The following CTNNA1 variants were observed in gnomAD, a reference collection of about 807,000 sequenced individuals.
CTNNA1 encodes catenin alpha-1.
In CTNNA1, 37 loss-of-function variants were observed where a neutral mutation model predicts 98.4. The ratio of observed to expected loss-of-function variants is 0.38; its 90% CI spans 0.29 to 0.49. The LOEUF (loss-of-function observed/expected upper bound fraction) is 0.49, where lower values mean the gene tolerates loss of function less well. Ranked by LOEUF, CTNNA1 falls within the 20% of genes least tolerant of loss-of-function variation. The pLI, the probability that CTNNA1 is intolerant of heterozygous loss-of-function variation, is 0.95. For synonymous variants in CTNNA1, 404 were observed against 413.2 expected, an observed-to-expected ratio of 0.98 and a Z score of 0.27; for missense variants, 761 against 1,147.2, an observed-to-expected ratio of 0.66 and a Z score of 4.86.
At chr5:138,796,748 G>A (rs186216537) in intron 3 of CTNNA1, among the ~76,000 whole-genome samples, 258 of 152,338 alleles carry the variant, frequency 1.7e-3, no homozygotes, top group African/African-American at 6.1e-3. Context: ...AGTTGATGGT[G>A]TCTAACTCTT....
At chr5:138,932,930 C>T in intron 17 of CTNNA1, 1 of 783,824 alleles carries the variant, frequency 1.3e-6, no homozygotes, top group Admixed American at 1.7e-5. Flanking sequence ...GAAAGGCTGG[C>T]CTCCTCCCCT....
chr5:138,929,386 CTTG>C, intron 14 of CTNNA1, 30 bp downstream of exon 14: 1 of 1,103,602 alleles, frequency 9.1e-7, no homozygotes, highest in Non-Finnish European at 1.4e-6. Context: ...GGCAGTTCAG[CTTG>C]TGCTGCCGAC....
intron 7 of CTNNA1, among the ~76,000 whole-genome samples, chr5:138,860,987 A>C (rs1182583682): frequency 6.6e-6 from 1 of 152,070 alleles, no homozygotes; most frequent in East Asian, 1.9e-4. Context: ...TACAAGGGAA[A>C]ATAGAGAGGT....
chr5:138,887,412 G>T, intron 8 of CTNNA1, 78 bp from the exon 9 acceptor site: 1 of 1,083,156 alleles, frequency 9.2e-7, no homozygotes, highest in East Asian at 2.4e-5. Flanking sequence ...AGATTTAAGT[G>T]TACAAGAGAA....
At chr5:138,866,391 T>G in intron 7 of CTNNA1, among the ~76,000 whole-genome samples, 1 of 151,990 alleles carries the variant, frequency 6.6e-6, no homozygotes, top group African/African-American at 2.4e-5. Context: ...TGTCAATAGA[T>G]ATTCAGTAAA....
chr5:138,796,201 G>A (rs1756948773), intron 3 of CTNNA1, among the ~76,000 whole-genome samples: 2 of 152,162 alleles, frequency 1.3e-5, no homozygotes, highest in African/African-American at 4.8e-5. Flanking sequence ...AAGGAGTATA[G>A]TATTAATAAA....
chr5:138,769,058 T>A (rs960852794), intron 1 of CTNNA1, among the ~76,000 whole-genome samples: 43 of 152,254 alleles, frequency 2.8e-4, no homozygotes, highest in Non-Finnish European at 4.1e-4. Context: ...TCTTTCTTTT[T>A]TTTGTTTTGA....
At chr5:138,834,994 G>A (rs1761638908) in intron 7 of CTNNA1, among the ~76,000 whole-genome samples, 1 of 152,116 alleles carries the variant, frequency 6.6e-6, no homozygotes, top group African/African-American at 2.4e-5. Context: ...ATTGTCAAGG[G>A]TGGGGAGAAT....
At chr5:138,854,964 G>T (rs895848113) in intron 7 of CTNNA1, among the ~76,000 whole-genome samples, 3 of 152,120 alleles carry the variant, frequency 2.0e-5, no homozygotes, top group Non-Finnish European at 4.4e-5. Context: ...AAAAATATTG[G>T]GATTTAGAGT....
intron 3 of CTNNA1, among the ~76,000 whole-genome samples, chr5:138,791,471 G>T (rs1184061392): frequency 6.6e-6 from 1 of 151,804 alleles, no homozygotes; most frequent in Non-Finnish European, 1.5e-5. Context: ...CAAAAAATTA[G>T]CCAGGCGTGG....
chr5:138,915,757 C>T (rs887012409), intron 10 of CTNNA1, among the ~76,000 whole-genome samples: 2 of 152,192 alleles, frequency 1.3e-5, no homozygotes, highest in Admixed American at 6.5e-5. Context: ...GTACATGCTA[C>T]ACATGAGTGA....
At chr5:138,753,900 G>T (rs1264299997) in intron 1 of CTNNA1, 1 of 154,596 alleles carries the variant, frequency 6.5e-6, no homozygotes, top group East Asian at 1.9e-4. Flanking sequence ...CCCCGCGCCG[G>T]GCCCCTCGGC....
chr5:138,839,770 C>T (rs1198309610), intron 7 of CTNNA1, among the ~76,000 whole-genome samples: 3 of 152,140 alleles, frequency 2.0e-5, no homozygotes, highest in Non-Finnish European at 4.4e-5. Flanking sequence ...TTACATTTAG[C>T]CAGAACCAAA....
At position 138,874,816 on chromosome 5, in the gene CTNNA1, G is replaced by T; in HGVS notation, c.1063-11396G>T. 8.0e-7 allele frequency: 1 copy of T among 1,254,082 alleles called. No homozygotes were observed. Among genetic ancestry groups the T allele is most frequent in the Non-Finnish European group, 1.1e-6 (1 of 869,616 alleles). 77.7% of individuals were successfully genotyped at this position (1,254,082 alleles called of 1,614,324 possible). On this transcript the variant is annotated intron_variant, in intron 7 of 17. Transcript: ENST00000302763. This position sits in a 1 kb window ranked among gnomAD's most constrained non-coding sequence, Gnocchi z 4.1. ...AAACCTCAAAATCCAAAATATGATG[G>T]TGATTTCCCTCATAAAATGTGAATT... is the stretch of plus-strand genomic sequence containing the variant.
Position 138,812,359 on chromosome 5 carries a change from A to G in CTNNA1, c.588+57A>G, listed in dbSNP as rs564441201. ...TGTTCATTTTACTATCTAGAGGGAA[A>G]AACTCATTCTGTGTGTTTTCTGAAA... On this transcript the variant is annotated intron_variant, in intron 5 of 17. Coordinates refer to ENST00000302763, the MANE Select transcript of CTNNA1 (RefSeq NM_001903.5). 9 of 1,565,522 alleles carry G rather than the reference A, an allele frequency of 5.7e-6. No individual in the cohort carries two copies. The African/African-American group carries it at 8.3e-5, about 14-fold the overall frequency.
chr5:138,872,952 G>C (rs1380522297), intron 7 of CTNNA1: 2 of 1,253,782 alleles, frequency 1.6e-6, no homozygotes, highest in Admixed American at 2.3e-5. Flanking sequence ...TATGTATTTA[G>C]CCTCTACTAT....
At chr5:138,864,130 G>A (rs1764529070) in intron 7 of CTNNA1, among the ~76,000 whole-genome samples, 1 of 152,132 alleles carries the variant, frequency 6.6e-6, no homozygotes, top group African/African-American at 2.4e-5. Flanking sequence ...GCTACTTTTT[G>A]TATTTTTAGT....
intron 7 of CTNNA1, among the ~76,000 whole-genome samples, chr5:138,847,881 CAG>C (rs1330573941): frequency 3.3e-5 from 5 of 152,158 alleles, no homozygotes. Flanking sequence ...CTGAAAGTAG[CAG>C]AGATTGTATA....
chr5:138,925,138 A>G, intron 12 of CTNNA1, 118 bp from the exon 13 acceptor site: 1 of 1,078,314 alleles, frequency 9.3e-7, no homozygotes, highest in South Asian at 1.6e-5. Context: ...TCACACAGGT[A>G]GAAGCAGAGG....
Sources: gnomAD v4.1 joint callset for allele counts (sites outside exome capture counted in the v4.1 genomes callset) on GRCh38, gnomAD v4.1.1 for gene constraint, Gnocchi (gnomAD v3.1) non-coding constraint, MANE v1.5 for transcripts, NCBI Gene and HGNC (gene_info 2026-07-23, HGNC 2026-07-21) for gene names.